FSTL5: variants seen among roughly 807,000 people sequenced by gnomAD.
FSTL5 encodes follistatin like 5.
In FSTL5, 62 loss-of-function variants were observed where a neutral mutation model predicts 89.1. That is an observed-to-expected ratio of 0.70 (90% CI 0.57 to 0.86). The LOEUF (loss-of-function observed/expected upper bound fraction) is 0.86, where lower values mean the gene tolerates loss of function less well. FSTL5 is among the 40% of genes least tolerant of loss of function. The probability of loss-of-function intolerance (pLI) is 0.00; values close to 1 mark genes in which losing one functional copy is unlikely to be tolerated. For missense variants in FSTL5, 1,057 were observed against 1,001.6 expected (o/e 1.06, Z -0.75); for synonymous variants, 383 against 346.2 (o/e 1.11, Z -1.18).
At chr4:161,434,851 G>A (rs890782544) in intron 15 of FSTL5, among the ~76,000 whole-genome samples, 13 of 151,974 alleles carry the variant, frequency 8.6e-5, no homozygotes, top group African/African-American at 2.9e-4. Context: ...TCAGAGAAAC[G>A]CAAATCAACA....
chr4:161,757,159 A>G (rs11100385), intron 6 of FSTL5, among the ~76,000 whole-genome samples: 37,481 of 151,968 alleles, frequency 0.25, 8,036 homozygotes, highest in African/African-American at 0.58. Context: ...TATTCTTTCT[A>G]TCTACTACCC....
intron 6 of FSTL5, among the ~76,000 whole-genome samples, chr4:161,746,870 C>T (rs1740219655): frequency 6.6e-6 from 1 of 152,142 alleles, no homozygotes; most frequent in Non-Finnish European, 1.5e-5. Flanking sequence ...CCCCAGTCCC[C>T]CAAATGCTTG....
intron 8 of FSTL5, among the ~76,000 whole-genome samples, chr4:161,585,784 G>T (rs921799734): frequency 6.6e-6 from 1 of 152,032 alleles, no homozygotes; most frequent in Non-Finnish European, 1.5e-5. Flanking sequence ...CTATAGGGAC[G>T]AGCATCCTCA....
intron 8 of FSTL5, among the ~76,000 whole-genome samples, chr4:161,565,934 G>A (rs1306030124): frequency 6.6e-6 from 1 of 150,722 alleles, no homozygotes; most frequent in Admixed American, 6.6e-5. Flanking sequence ...ATATATGTAG[G>A]AGTAGGATTG....
chr4:161,820,139 G>A (rs933205056), intron 4 of FSTL5, among the ~76,000 whole-genome samples: 13 of 151,988 alleles, frequency 8.6e-5, no homozygotes, highest in African/African-American at 1.4e-4. Context: ...TTATTTTTGC[G>A]TTGTCTACTA....
chr4:162,151,403 A>G (rs1733220174), intron 1 of FSTL5, among the ~76,000 whole-genome samples: 1 of 152,162 alleles, frequency 6.6e-6, no homozygotes, highest in African/African-American at 2.4e-5. Context: ...CTGAAGACTG[A>G]TATTCTCTAA....
At chr4:161,958,343 G>T (rs359515) in intron 3 of FSTL5, among the ~76,000 whole-genome samples, 2 of 151,800 alleles carry the variant, frequency 1.3e-5, no homozygotes, top group Non-Finnish European at 2.9e-5. Flanking sequence ...ATTTCTTTGC[G>T]TTGTGTGGTA....
At chr4:161,527,510 A>G (rs1354900293) in intron 10 of FSTL5, among the ~76,000 whole-genome samples, 2 of 152,212 alleles carry the variant, frequency 1.3e-5, no homozygotes, top group Non-Finnish European at 2.9e-5. Flanking sequence ...TTCTCAAAAG[A>G]AGACATTTAT....
At chr4:162,141,186 G>A (rs543654197) in intron 1 of FSTL5, among the ~76,000 whole-genome samples, 1 of 69,472 alleles carries the variant, frequency 1.4e-5, no homozygotes, top group Non-Finnish European at 2.9e-5. Flanking sequence ...GCGCGATCTC[G>A]ACTCACTGCA....
At chr4:161,573,731 C>A (rs1733109533) in intron 8 of FSTL5, among the ~76,000 whole-genome samples, 3 of 29,084 alleles carry the variant, frequency 1.0e-4, no homozygotes, top group East Asian at 2.0e-3. Flanking sequence ...GAAACTCCAG[C>A]TCAAAAAAAA....
chr4:161,479,365 A>T (rs1729419508), intron 13 of FSTL5, among the ~76,000 whole-genome samples: 1 of 152,224 alleles, frequency 6.6e-6, no homozygotes, highest in East Asian at 1.9e-4. Flanking sequence ...TATATGAATA[A>T]TAAGTGATGT....
intron 3 of FSTL5, among the ~76,000 whole-genome samples, chr4:161,948,014 C>T (rs1734781890): frequency 6.6e-6 from 1 of 151,950 alleles, no homozygotes; most frequent in Non-Finnish European, 1.5e-5. Context: ...TGGTGGCTCA[C>T]ACCTGTAATC....
At chr4:162,129,472 G>C (rs955226750) in intron 1 of FSTL5, among the ~76,000 whole-genome samples, 1 of 152,166 alleles carries the variant, frequency 6.6e-6, no homozygotes, top group African/African-American at 2.4e-5. Context: ...TAATATACTT[G>C]ATGTTACATA....
chr4:162,125,546 A>C (rs1171352888), intron 1 of FSTL5, among the ~76,000 whole-genome samples: 2 of 152,086 alleles, frequency 1.3e-5, no homozygotes, highest in African/African-American at 4.8e-5. Context: ...CCATTAAACT[A>C]TCTATTCCTA....
intron 15 of FSTL5, among the ~76,000 whole-genome samples, chr4:161,416,094 G>C (rs987530270): frequency 8.5e-5 from 13 of 152,064 alleles, no homozygotes; most frequent in African/African-American, 2.9e-4. Context: ...GGAATGGCAA[G>C]TGTTTTCCCT....
At chr4:162,055,525 TGATAGATA>T (rs67961016) in intron 2 of FSTL5, among the ~76,000 whole-genome samples, 5,602 of 148,614 alleles carry the variant, frequency 0.038, 139 homozygotes, top group Admixed American at 0.04. Flanking sequence ...AGATAGAGGA[TGATAGATA>T]GATAGATAGA....
chr4:161,662,703 C>T (rs185219967), intron 6 of FSTL5, among the ~76,000 whole-genome samples: 9 of 152,226 alleles, frequency 5.9e-5, no homozygotes, highest in Non-Finnish European at 7.4e-5. Flanking sequence ...CAAATAGCAG[C>T]TGACAGGTTT....
intron 15 of FSTL5, among the ~76,000 whole-genome samples, chr4:161,401,881 T>A (rs920891755): frequency 2.7e-4 from 41 of 152,338 alleles, no homozygotes; most frequent in African/African-American, 8.9e-4. Context: ...TTCACTTGAA[T>A]GGAAATTATA....
chr4:161,859,181 T>G (rs563528591), intron 4 of FSTL5, among the ~76,000 whole-genome samples: 1 of 152,308 alleles, frequency 6.6e-6, no homozygotes, highest in South Asian at 2.1e-4. Context: ...AATTTACCTA[T>G]AGTCACAAAC....
Sources: allele counts gnomAD v4.1 joint callset (sites outside exome capture counted in the v4.1 genomes callset), GRCh38; gene constraint gnomAD v4.1.1; transcripts MANE v1.5; gene names NCBI Gene and HGNC (gene_info 2026-07-23, HGNC 2026-07-21).